The following CAMTA1 variants were observed in gnomAD, a reference collection of about 807,000 sequenced individuals.
The protein encoded by CAMTA1 is calmodulin-binding transcription activator 1.
Under a neutral mutation model 170.9 loss-of-function variants are expected in CAMTA1, and 27 were observed. That is an observed-to-expected ratio of 0.16 (90% CI 0.12 to 0.22). The LOEUF (loss-of-function observed/expected upper bound fraction) is 0.22. Ranked by LOEUF, CAMTA1 falls within the 10% of genes least tolerant of loss-of-function variation. The probability of loss-of-function intolerance (pLI) is 1.00; values close to 1 mark genes in which losing one functional copy is unlikely to be tolerated. For synonymous variants in CAMTA1, 833 were observed against 891.5 expected, an observed-to-expected ratio of 0.93 and a Z score of 1.17; for missense variants, 1,619 against 2,217.2, an observed-to-expected ratio of 0.73 and a Z score of 5.42.
At chr1:7,241,532 G>A (rs1310978763) in intron 4 of CAMTA1, among the ~76,000 whole-genome samples, 1 of 152,200 alleles carries the variant, frequency 6.6e-6, no homozygotes, top group Non-Finnish European at 1.5e-5. Context: ...AGGACTTATA[G>A]TCCCGGATTT....
At chr1:7,164,191 A>C (rs1284193609) in intron 4 of CAMTA1, among the ~76,000 whole-genome samples, 1 of 152,146 alleles carries the variant, frequency 6.6e-6, no homozygotes, top group Admixed American at 6.6e-5. Context: ...CCTATATTTT[A>C]TCTCAGAAGT....
At chr1:7,554,925 C>CT (rs201211542) in intron 6 of CAMTA1, among the ~76,000 whole-genome samples, 1,844 of 151,680 alleles carry the variant, frequency 0.012, 18 homozygotes, top group African/African-American at 0.014. Flanking sequence ...ATTTTTCTGA[C>CT]TTTTTTTTTC....
chr1:6,910,094 A>G (rs897108504), intron 3 of CAMTA1, among the ~76,000 whole-genome samples: 1 of 152,236 alleles, frequency 6.6e-6, no homozygotes, highest in Non-Finnish European at 1.5e-5. Flanking sequence ...TATATTGACT[A>G]GGTGTTTGGG....
At chr1:7,647,328 C>G (rs1389008660) in intron 7 of CAMTA1, among the ~76,000 whole-genome samples, 1 of 152,084 alleles carries the variant, frequency 6.6e-6, no homozygotes, top group Non-Finnish European at 1.5e-5. Context: ...GATTGTAATC[C>G]TGGTGATTAT....
chr1:7,242,717 A>G (rs1574142532), intron 4 of CAMTA1, among the ~76,000 whole-genome samples: 3 of 152,044 alleles, frequency 2.0e-5, no homozygotes, highest in East Asian at 3.9e-4. Flanking sequence ...TCACAAGGTC[A>G]GGAGATCGAG....
chr1:7,531,826 C>T (rs1361524491), intron 6 of CAMTA1, among the ~76,000 whole-genome samples: 1 of 152,230 alleles, frequency 6.6e-6, no homozygotes, highest in Admixed American at 6.5e-5. Context: ...AGGACTATGA[C>T]GGGGCAGGTT....
At chr1:6,806,981 A>G in intron 1 of CAMTA1, 1 of 589,790 alleles carries the variant, frequency 1.7e-6, no homozygotes, top group Non-Finnish European at 3.1e-6. Context: ...TATCTGTGCC[A>G]GGCACAAGGA....
rs555518241 is a variant in CAMTA1, at chr1:7,680,481, C to T, written c.2914+2748C>T. Among the ~76,000 whole-genome samples the T allele has an allele frequency of 1.3e-5, 2 of 151,156 alleles. No individual in the cohort carries two copies. Among genetic ancestry groups the T allele is most frequent in the South Asian group, 2.1e-4 (1 of 4,790 alleles). The stretch of plus-strand genomic sequence containing the variant: ...TCCCACGCGCGCGCCCTCCCGCCGA[C>T]GCGCAGCCGCAATGCGGGGCCCTTC... On this transcript the variant is annotated intron_variant, in intron 11 of 22. Coordinates refer to ENST00000303635, the MANE Select transcript of CAMTA1 (RefSeq NM_015215.4). The surrounding 1 kb of genome is among the most constrained non-coding windows in gnomAD (Gnocchi z 4.4).
At chr1:7,264,032 T>A (rs186582412) in intron 5 of CAMTA1, among the ~76,000 whole-genome samples, 2 of 152,336 alleles carry the variant, frequency 1.3e-5, no homozygotes, top group African/African-American at 4.8e-5. Flanking sequence ...CAGGAACAGA[T>A]GAACTTGGGG....
chr1:7,122,290 A>G (rs1644689898), intron 4 of CAMTA1, among the ~76,000 whole-genome samples: 1 of 152,050 alleles, frequency 6.6e-6, no homozygotes, highest in African/African-American at 2.4e-5. Flanking sequence ...ATGCCAGATT[A>G]TATTTGCACA....
chr1:7,739,445 G>T (rs1421766964), intron 16 of CAMTA1, among the ~76,000 whole-genome samples: 1 of 152,166 alleles, frequency 6.6e-6, no homozygotes, highest in Non-Finnish European at 1.5e-5. Flanking sequence ...CCCATTTCTG[G>T]GGAGTTGCCG....
At chr1:7,162,949 G>A (rs1040971040) in intron 4 of CAMTA1, among the ~76,000 whole-genome samples, 2 of 152,078 alleles carry the variant, frequency 1.3e-5, no homozygotes, top group Admixed American at 6.6e-5. Flanking sequence ...GAACGTTTTG[G>A]CAGTTCCAGA....
intron 6 of CAMTA1, among the ~76,000 whole-genome samples, chr1:7,484,188 G>A (rs2149650507): frequency 6.6e-6 from 1 of 152,300 alleles, no homozygotes. Flanking sequence ...GTAGGTGGGT[G>A]AGTACCTGGC....
chr1:7,051,864 C>T (rs533152165), intron 3 of CAMTA1, among the ~76,000 whole-genome samples: 6 of 152,242 alleles, frequency 3.9e-5, no homozygotes, highest in African/African-American at 1.2e-4. Context: ...GGGCTCTGTA[C>T]GCCCCCTCTC....
At chr1:7,430,424 G>GATC (rs1376293083) in intron 5 of CAMTA1, among the ~76,000 whole-genome samples, 1 of 152,074 alleles carries the variant, frequency 6.6e-6, no homozygotes, top group Admixed American at 6.6e-5. Flanking sequence ...GGATGATGAT[G>GATC]ATGGTGGAGG....
At chr1:7,573,200 T>G (rs11120978) in intron 6 of CAMTA1, among the ~76,000 whole-genome samples, 4,992 of 152,258 alleles carry the variant, frequency 0.033, 257 homozygotes, top group African/African-American at 0.11. Context: ...AGCACCCTAC[T>G]TAACCCTCAG....
chr1:7,384,470 G>A (rs887410019), intron 5 of CAMTA1, among the ~76,000 whole-genome samples: 1 of 152,204 alleles, frequency 6.6e-6, no homozygotes, highest in Non-Finnish European at 1.5e-5. Context: ...GATATGAGTC[G>A]ATGTGTGGGC....
Position 7,665,246 on chromosome 1 carries a change from C to T in CAMTA1, c.2652+47C>T. The stretch of plus-strand genomic sequence containing the variant: ...CACCTGTCACCTCCCCTCCCACCCA[C>T]CTCGCCAGCCCCTGCGCCACCCTGC... On this transcript the variant is annotated intron_variant, in intron 9 of 22. Coordinates refer to ENST00000303635, the MANE Select transcript of CAMTA1 (RefSeq NM_015215.4). The surrounding 1 kb of genome is among the most constrained non-coding windows in gnomAD (Gnocchi z 4.3). 3 of 1,406,846 alleles carry T rather than the reference C, an allele frequency of 2.1e-6. No individual in the cohort carries two copies. Among genetic ancestry groups the T allele is most frequent in the Non-Finnish European group, 2.8e-6 (3 of 1,079,328 alleles). The allele number at this position is 1,406,846 out of a possible 1,614,324, so 87.1% of individuals were successfully genotyped here.
chr1:7,511,085 C>A (rs958014316), intron 6 of CAMTA1, among the ~76,000 whole-genome samples: 1 of 145,826 alleles, frequency 6.9e-6, no homozygotes, highest in Non-Finnish European at 1.5e-5. Flanking sequence ...AGAAACTCAG[C>A]ACCTGCTACT....
Sources: allele counts gnomAD v4.1 joint callset (sites outside exome capture counted in the v4.1 genomes callset), GRCh38; gene constraint gnomAD v4.1.1; non-coding constraint Gnocchi (gnomAD v3.1); transcripts MANE v1.5; gene names NCBI Gene and HGNC (gene_info 2026-07-23, HGNC 2026-07-21).